Variants in SLC22A23 observed in about 807,000 individuals in gnomAD.
SLC22A23 encodes solute carrier family 22 member 23.
In SLC22A23, 26 loss-of-function variants were observed where a neutral mutation model predicts 61.0. The ratio of observed to expected loss-of-function variants is 0.43; its 90% CI spans 0.31 to 0.59. The LOEUF (loss-of-function observed/expected upper bound fraction) is 0.59, where lower values mean the gene tolerates loss of function less well. Among genes scored for constraint, SLC22A23 ranks in the 20% least tolerant of loss-of-function variants. SLC22A23 has a pLI of 0.11. For synonymous variants in SLC22A23, 430 were observed against 413.9 expected (o/e 1.04, Z -0.47); for missense variants, 796 against 934.7 (o/e 0.85, Z 1.94).
chr6:3,357,441 T>C (rs1289215968), intron 3 of SLC22A23, among the ~76,000 whole-genome samples: 1 of 152,240 alleles, frequency 6.6e-6, no homozygotes, highest in Non-Finnish European at 1.5e-5. Context: ...AGGTGTGTTC[T>C]TCCTGGCTTT....
At chr6:3,276,456 G>A (rs6934279) in intron 9 of SLC22A23, among the ~76,000 whole-genome samples, 12,322 of 152,266 alleles carry the variant, frequency 0.081, 573 homozygotes, top group Middle Eastern at 0.13. Flanking sequence ...TTGCCAAACC[G>A]ATTTTCCTAG....
rs1561923735 is a variant in SLC22A23 at position 3,360,638 on chromosome 6, T to C, written c.914-36636A>G. Among the ~76,000 whole-genome samples the C allele has an allele frequency of 6.6e-6, 1 of 152,252 alleles. No homozygotes were observed. The highest frequency in any genetic ancestry group is 1.5e-5 in the Non-Finnish European group (1 of 68,042). On this transcript the variant is annotated intron_variant, in intron 3 of 9. Coordinates refer to ENST00000406686, the MANE Select transcript of SLC22A23 (RefSeq NM_015482.2). The surrounding 1 kb of genome is among the most constrained non-coding windows in gnomAD (Gnocchi z 4.6). ...CATCTCTGTATTTCCGGTCACTTAT[T>C]GCTATGCTGACTGCTCATCTAAGCC...
At chr6:3,437,539 A>G (rs534767689) in intron 1 of SLC22A23, among the ~76,000 whole-genome samples, 6 of 151,474 alleles carry the variant, frequency 4.0e-5, no homozygotes, top group Middle Eastern at 3.4e-3. Flanking sequence ...TTAAAAAAAA[A>G]TTAGTCAGGT....
intron 9 of SLC22A23, chr6:3,276,536 T>C (rs1042412736): frequency 1.3e-5 from 2 of 152,774 alleles, no homozygotes; most frequent in Admixed American, 1.3e-4. Context: ...TGCAAGGTGA[T>C]GCACAGGTCC....
chr6:3,424,802 G>C (rs144054304), intron 1 of SLC22A23, among the ~76,000 whole-genome samples: 385 of 152,334 alleles, frequency 2.5e-3, no homozygotes, highest in Admixed American at 4.1e-3. Flanking sequence ...TACAGCGGCA[G>C]AGTCGAACAA....
chr6:3,444,417 C>T (rs1182000896), intron 1 of SLC22A23, among the ~76,000 whole-genome samples: 1 of 152,252 alleles, frequency 6.6e-6, no homozygotes, highest in Admixed American at 6.5e-5. Context: ...CCTACGTTTG[C>T]TCTCTGAGCT....
chr6:3,431,321 G>A lies in SLC22A23; in HGVS notation c.655-15466C>T, dbSNP rs146276286. On this transcript the variant is annotated intron_variant, in intron 1 of 9. Coordinates refer to ENST00000406686, the MANE Select transcript of SLC22A23 (RefSeq NM_015482.2). ...CAATCAAACCTTATTTGGGGCTTTC[G>A]GTTGATGCTACTGTTGTTAGAAATA... Among the ~76,000 whole-genome samples the A allele has an allele frequency of 1.7e-3, 265 of 152,326 alleles. 1 individual carries two copies. Among genetic ancestry groups the A allele is most frequent in the Admixed American group, 2.3e-3 (35 of 15,306 alleles).
intron 3 of SLC22A23, among the ~76,000 whole-genome samples, chr6:3,347,051 G>GT (rs913008793): frequency 2.0e-4 from 30 of 151,070 alleles, no homozygotes; most frequent in Admixed American, 6.6e-4. Context: ...CTTTCACAAC[G>GT]TTTTTTTTTA....
rs1343445731 is a variant in SLC22A23, at chr6:3,329,241, C to T, written c.914-5239G>A. ...TGATTATAAATAAAATTTTAAAAAC[C>T]TTTTGAAGCCAATCTTTGAAAAAAA... On this transcript the variant is annotated intron_variant, in intron 3 of 9. Coordinates refer to ENST00000406686, the MANE Select transcript of SLC22A23 (RefSeq NM_015482.2). The surrounding 1 kb of genome is among the most constrained non-coding windows in gnomAD (Gnocchi z 4.8). 2.0e-5 allele frequency among the ~76,000 whole-genome samples: 3 copies of T among 148,140 alleles called. No homozygotes were observed. Among genetic ancestry groups the T allele is most frequent in the Admixed American group, 1.3e-4 (2 of 15,076 alleles).
intron 1 of SLC22A23, among the ~76,000 whole-genome samples, chr6:3,436,737 A>T (rs1771240897): frequency 6.6e-6 from 1 of 152,186 alleles, no homozygotes; most frequent in Non-Finnish European, 1.5e-5. Context: ...TGTCTCCTGC[A>T]GCTCCCAGCA....
rs747987399 is a variant in SLC22A23 at position 3,333,366 on chromosome 6, G to A, written c.914-9364C>T. Among the ~76,000 whole-genome samples, 13 of 152,228 alleles carry A rather than the reference G, an allele frequency of 8.5e-5. No homozygotes were observed. The highest frequency in any genetic ancestry group is 1.8e-4 in the Non-Finnish European group (12 of 68,016). Reference sequence around the variant, plus strand: ...TTTCACACCACACGTGCCCCTCCAAGGGCTCCTGTTCCACTCAGAGTGAAA... The same window carrying A: ...TTTCACACCACACGTGCCCCTCCAAAGGCTCCTGTTCCACTCAGAGTGAAA... On this transcript the variant is annotated intron_variant, in intron 3 of 9. Coordinates refer to ENST00000406686, the MANE Select transcript of SLC22A23 (RefSeq NM_015482.2). The surrounding 1 kb of genome is among the most constrained non-coding windows in gnomAD (Gnocchi z 4.1).
chr6:3,399,964 C>T (rs1313556854), intron 3 of SLC22A23, among the ~76,000 whole-genome samples: 1 of 151,018 alleles, frequency 6.6e-6, no homozygotes, highest in Non-Finnish European at 1.5e-5. Context: ...CTGCAACCTC[C>T]GCCTCCCAGG....
In SLC22A23 at chr6:3,444,996, C is replaced by G. The variant is rs543970867; in HGVS notation, c.654+10910G>C. On this transcript the variant is annotated intron_variant, in intron 1 of 9. Transcript: ENST00000406686. ...GGAGGAAGGAAGGCACCTGAGGCTTCCAGGGTGGGGGCTGTTTGCCAGGTA... is the reference window on the plus strand; with the variant it reads ...GGAGGAAGGAAGGCACCTGAGGCTTGCAGGGTGGGGGCTGTTTGCCAGGTA... The G allele has an allele frequency of 1.1e-3, 1,090 of 985,546 alleles. 1 individual carries two copies. Among genetic ancestry groups the G allele is most frequent in the Middle Eastern group, 7.3e-3 (14 of 1,914 alleles). The allele number at this position is 985,546 out of a possible 1,614,324, so 61.1% of individuals were successfully genotyped here.
At chr6:3,346,478 G>C (rs1431536658) in intron 3 of SLC22A23, among the ~76,000 whole-genome samples, 1 of 152,162 alleles carries the variant, frequency 6.6e-6, no homozygotes, top group Admixed American at 6.5e-5. Flanking sequence ...TCCTCTTAGT[G>C]ACTGTGCACC....
Position 3,304,855 on chromosome 6 carries a change from C to T in SLC22A23, c.1083-6637G>A, listed in dbSNP as rs370965407. 2.0e-5 allele frequency among the ~76,000 whole-genome samples: 3 copies of T among 151,972 alleles called. No homozygotes were observed. The highest frequency in any genetic ancestry group is 1.9e-4 in the East Asian group (1 of 5,182). ...TCAGAGAGCTGCAAGCTGATAAACC[C>T]GAATGCTGGGAATGAGGTGAGAAGA... On this transcript the variant is annotated intron_variant, in intron 4 of 9. Coordinates refer to ENST00000406686, the MANE Select transcript of SLC22A23 (RefSeq NM_015482.2). The surrounding 1 kb of genome is among the most constrained non-coding windows in gnomAD (Gnocchi z 4.3).
At chr6:3,442,483 G>A (rs577485848) in intron 1 of SLC22A23, among the ~76,000 whole-genome samples, 15 of 152,170 alleles carry the variant, frequency 9.9e-5, no homozygotes, top group Non-Finnish European at 1.5e-4. Context: ...AAGACTATCC[G>A]CTTACTGCAG....
intron 1 of SLC22A23, among the ~76,000 whole-genome samples, chr6:3,442,063 T>A (rs975415050): frequency 2.0e-5 from 3 of 152,160 alleles, no homozygotes; most frequent in Admixed American, 6.5e-5. Flanking sequence ...AAACAGAATG[T>A]GGTGCAGGCA....
chr6:3,451,514 G>A (rs1207967897), intron 1 of SLC22A23, among the ~76,000 whole-genome samples: 2 of 152,218 alleles, frequency 1.3e-5, no homozygotes, highest in Non-Finnish European at 2.9e-5. Context: ...ATCATTAAGC[G>A]CAATATTTGC....
In SLC22A23 at chr6:3,390,511, G is replaced by A. The variant is rs113614201; in HGVS notation, c.913+19677C>T. Among the ~76,000 whole-genome samples the A allele has an allele frequency of 1.4e-3, 209 of 152,328 alleles. 3 individuals are homozygous for A. The highest frequency in any genetic ancestry group is 4.9e-3 in the African/African-American group (202 of 41,572). ...CCACAGGATCTCTCATGAGAAGAAA[G>A]CCACACAGTTGGAGTGAACTCTAGT... On this transcript the variant is annotated intron_variant, in intron 3 of 9. Coordinates refer to ENST00000406686, the MANE Select transcript of SLC22A23 (RefSeq NM_015482.2). The surrounding 1 kb of genome is among the most constrained non-coding windows in gnomAD (Gnocchi z 4.0).
Sources: allele counts gnomAD v4.1 joint callset (sites outside exome capture counted in the v4.1 genomes callset), GRCh38; gene constraint gnomAD v4.1.1; non-coding constraint Gnocchi (gnomAD v3.1); transcripts MANE v1.5; gene names NCBI Gene and HGNC (gene_info 2026-07-23, HGNC 2026-07-21).